UBE2D2: variants seen among roughly 807,000 people sequenced by gnomAD.
UBE2D2 encodes ubiquitin conjugating enzyme E2 D2.
Under a neutral mutation model 24.2 loss-of-function variants are expected in UBE2D2, and 2 were observed. That is an observed-to-expected ratio of 0.08 (90% CI 0.03 to 0.26). The LOEUF (loss-of-function observed/expected upper bound fraction) is 0.26. Among genes scored for constraint, UBE2D2 ranks in the 10% least tolerant of loss-of-function variants. The pLI is 1.00. For missense variants in UBE2D2, 44 were observed against 177.6 expected (o/e 0.25, Z 4.28); for synonymous variants, 58 against 56.5 (o/e 1.03, Z -0.12).
At chr5:139,589,508 C>T (rs571803205) in intron 1 of UBE2D2, among the ~76,000 whole-genome samples, 107 of 152,046 alleles carry the variant, frequency 7.0e-4, no homozygotes, top group African/African-American at 2.2e-3. Context: ...TGCAGTGAGC[C>T]GAGATCCTCC....
In UBE2D2 at chr5:139,609,673, G is replaced by T. The variant is rs188124823; in HGVS notation, c.89-4913G>T. ...GGTGTGAGCCATCACACCTGGCTGC[G>T]CATCTCTATTTAAAAAAAAAAAAAA... On this transcript the variant is annotated intron_variant, in intron 2 of 6. Coordinates refer to ENST00000398733, the MANE Select transcript of UBE2D2 (RefSeq NM_003339.3). Among the ~76,000 whole-genome samples the T allele has an allele frequency of 1.6e-3, 239 of 147,552 alleles. 1 individual carries two copies. Among genetic ancestry groups the T allele is most frequent in the Admixed American group, 0.012 (173 of 14,856 alleles).
At chr5:139,605,591 C>CAAAAAAA (rs70988710) in intron 2 of UBE2D2, among the ~76,000 whole-genome samples, 11 of 44,700 alleles carry the variant, frequency 2.5e-4, no homozygotes, top group African/African-American at 5.2e-4. Flanking sequence ...GACTCTGTCT[C>CAAAAAAA]AAAAAAAAAA....
intron 1 of UBE2D2, among the ~76,000 whole-genome samples, chr5:139,528,410 A>T (rs1252399369): frequency 6.6e-6 from 1 of 152,070 alleles, no homozygotes; most frequent in Non-Finnish European, 1.5e-5. Flanking sequence ...AACTCTTTAC[A>T]CTCTGTGTCA....
Position 139,555,147 on chromosome 5 carries a change from G to C in UBE2D2, c.-64+28535G>C, listed in dbSNP as rs145348191. 625 of 152,156 alleles carry C rather than the reference G, an allele frequency of 4.1e-3. 2 individuals carry two copies. The highest frequency in any genetic ancestry group is 6.8e-3 in the Non-Finnish European group (461 of 68,270). The allele number at this position is 152,156 out of a possible 1,614,324, so 9.4% of individuals were successfully genotyped here. ...TGCAACTTCTGCGTCCCAGGTTCAA[G>C]CGATTCTCCTGCCTCAGCCCCTGAA... is the stretch of plus-strand genomic sequence containing the variant. On this transcript the variant is annotated intron_variant, in intron 1 of 6. Coordinates refer to the UBE2D2 transcript ENST00000511725.
At chr5:139,626,430 T>C (rs1191080640) in intron 6 of UBE2D2, among the ~76,000 whole-genome samples, 1 of 152,246 alleles carries the variant, frequency 6.6e-6, no homozygotes, top group Non-Finnish European at 1.5e-5. Context: ...TAGAATCATA[T>C]AATTTCAAGT....
upstream of UBE2D2, among the ~76,000 whole-genome samples, chr5:139,560,439 G>A (rs1326977835): frequency 1.3e-5 from 2 of 152,120 alleles, no homozygotes; most frequent in African/African-American, 2.4e-5. Flanking sequence ...CTCGTGATCC[G>A]CCTGCCTTGG....
At chr5:139,571,484 C>T (rs1257554334) in intron 1 of UBE2D2, among the ~76,000 whole-genome samples, 3 of 151,534 alleles carry the variant, frequency 2.0e-5, no homozygotes, top group Admixed American at 2.0e-4. Flanking sequence ...ATTACTTGAT[C>T]TTTTCAATAA....
At chr5:139,543,026 A>G (rs1752779128) in intron 1 of UBE2D2, among the ~76,000 whole-genome samples, 2 of 152,110 alleles carry the variant, frequency 1.3e-5, no homozygotes, top group South Asian at 4.2e-4. Flanking sequence ...CCTCCTGAGA[A>G]GCTGGGACTA....
chr5:139,550,091 G>T (rs1198707707), intron 1 of UBE2D2, among the ~76,000 whole-genome samples: 1 of 151,914 alleles, frequency 6.6e-6, no homozygotes, highest in Non-Finnish European at 1.5e-5. Flanking sequence ...AATCTAGTGG[G>T]GACTTGGAGA....
At position 139,605,367 on chromosome 5, in the gene UBE2D2, C is replaced by T. The variant is rs371068309; in HGVS notation, c.88+4932C>T. Among the ~76,000 whole-genome samples, 37 of 151,836 alleles carry T rather than the reference C, an allele frequency of 2.4e-4. No homozygotes were observed. The South Asian group carries it at 4.8e-3, about 20-fold the overall frequency. ...CAACACTTTGGGAGGCCGAGGCGGG[C>T]GGATCACGAGGTCAGGAGATTGAGA... On this transcript the variant is annotated intron_variant, in intron 2 of 6. Coordinates refer to ENST00000398733, the MANE Select transcript of UBE2D2 (RefSeq NM_003339.3).
intron 2 of UBE2D2, among the ~76,000 whole-genome samples, chr5:139,610,688 C>A (rs375436103): frequency 6.6e-6 from 1 of 151,690 alleles, no homozygotes; most frequent in East Asian, 1.9e-4. Flanking sequence ...GCCTGGGCAA[C>A]GTAACAAAAT....
intron 2 of UBE2D2, among the ~76,000 whole-genome samples, chr5:139,613,170 C>T (rs3777111): frequency 6.6e-6 from 1 of 152,124 alleles, no homozygotes; most frequent in Non-Finnish European, 1.5e-5. Flanking sequence ...GGTTCAAGTC[C>T]CAGTGAGCAA....
chr5:139,621,132 T>TA (rs1254006191), intron 5 of UBE2D2, among the ~76,000 whole-genome samples: 3 of 152,172 alleles, frequency 2.0e-5, no homozygotes, highest in Admixed American at 2.0e-4. Context: ...CCTGTAGTCT[T>TA]ACCTGGAGAG....
chr5:139,538,935 G>C (rs1017592962), intron 1 of UBE2D2, among the ~76,000 whole-genome samples: 1 of 151,780 alleles, frequency 6.6e-6, no homozygotes, highest in Non-Finnish European at 1.5e-5. Flanking sequence ...TAAGTACATT[G>C]CAGAATGAAA....
intron 5 of UBE2D2, among the ~76,000 whole-genome samples, chr5:139,617,890 G>A (rs763844472): frequency 6.6e-6 from 1 of 152,102 alleles, no homozygotes; most frequent in Non-Finnish European, 1.5e-5. Flanking sequence ...TGGGGATAAA[G>A]GCACAGTTGT....
chr5:139,537,007 G>A (rs921702177), intron 1 of UBE2D2, among the ~76,000 whole-genome samples: 4 of 151,802 alleles, frequency 2.6e-5, no homozygotes, highest in African/African-American at 9.7e-5. Flanking sequence ...GTGAAACCCC[G>A]TTTCTACTAA....
At chr5:139,623,158 T>C (rs996535871) in intron 5 of UBE2D2, among the ~76,000 whole-genome samples, 1 of 151,698 alleles carries the variant, frequency 6.6e-6, no homozygotes, top group Non-Finnish European at 1.5e-5. Context: ...GCCAACATGG[T>C]GAAACCCCAA....
At chr5:139,601,917 A>C (rs578135336) in intron 2 of UBE2D2, among the ~76,000 whole-genome samples, 54 of 152,192 alleles carry the variant, frequency 3.5e-4, no homozygotes, top group African/African-American at 1.3e-3. Flanking sequence ...CTCAAAAAAA[A>C]AAAAAAGAAA....
chr5:139,533,329 A>T (rs1408250031), intron 1 of UBE2D2, among the ~76,000 whole-genome samples: 1 of 151,820 alleles, frequency 6.6e-6, no homozygotes, highest in Non-Finnish European at 1.5e-5. Context: ...ATGGCATGTA[A>T]ATTATACCTC....
Sources: gnomAD v4.1 joint callset for allele counts (sites outside exome capture counted in the v4.1 genomes callset) on GRCh38, gnomAD v4.1.1 for gene constraint, MANE v1.5 for transcripts, NCBI Gene and HGNC (gene_info 2026-07-23, HGNC 2026-07-21) for gene names.